Variants in GRID2 observed in about 807,000 individuals in gnomAD.
The protein encoded by GRID2 is glutamate ionotropic receptor delta type subunit 2, also known as glutamate receptor ionotropic, delta-2.
GRID2 carries 33 observed loss-of-function variants against 114.8 expected under a neutral mutation model. The observed-to-expected ratio is 0.29, with a 90% CI of 0.22 to 0.38. The LOEUF (loss-of-function observed/expected upper bound fraction) is 0.38. GRID2 is among the 10% of genes least tolerant of loss of function. The pLI, the probability that GRID2 is intolerant of heterozygous loss-of-function variation, is 1.00. For missense variants in GRID2, 1,184 were observed against 1,257.7 expected (o/e 0.94, Z 0.89); for synonymous variants, 505 against 449.9 (o/e 1.12, Z -1.55).
chr4:93,650,938 C>G (rs189779458), intron 14 of GRID2, among the ~76,000 whole-genome samples: 1 of 152,144 alleles, frequency 6.6e-6, no homozygotes, highest in Non-Finnish European at 1.5e-5. Flanking sequence ...AAAACAAAGG[C>G]TTCTAGACTC....
chr4:92,649,400 A>G (rs1387563227), intron 2 of GRID2, among the ~76,000 whole-genome samples: 1 of 151,172 alleles, frequency 6.6e-6, no homozygotes, highest in Non-Finnish European at 1.5e-5. Context: ...GAGAAATGAT[A>G]GAATTTGCCC....
At chr4:92,389,797 G>A (rs1289445574) in intron 1 of GRID2, among the ~76,000 whole-genome samples, 2 of 152,084 alleles carry the variant, frequency 1.3e-5, no homozygotes, top group African/African-American at 4.8e-5. Flanking sequence ...TGTATTAACT[G>A]TAAGGAGATA....
chr4:93,729,175 T>C (rs982213225), intron 14 of GRID2, among the ~76,000 whole-genome samples: 2 of 152,168 alleles, frequency 1.3e-5, no homozygotes, highest in Non-Finnish European at 2.9e-5. Flanking sequence ...GGATTATTCA[T>C]GTGAGCCACC....
At chr4:92,810,692 A>C (rs1740626501) in intron 2 of GRID2, among the ~76,000 whole-genome samples, 1 of 152,114 alleles carries the variant, frequency 6.6e-6, no homozygotes, top group Admixed American at 6.6e-5. Flanking sequence ...TTGAGGATGA[A>C]AGCTTATATA....
intron 8 of GRID2, among the ~76,000 whole-genome samples, chr4:93,375,835 C>G (rs1459248741): frequency 6.6e-6 from 1 of 152,100 alleles, no homozygotes; most frequent in Non-Finnish European, 1.5e-5. Context: ...GAACATTTGG[C>G]CATCACTAAT....
chr4:92,595,859 AT>A (rs1728925887), intron 2 of GRID2, among the ~76,000 whole-genome samples: 1 of 152,130 alleles, frequency 6.6e-6, no homozygotes, highest in African/African-American at 2.4e-5. Flanking sequence ...CTGGTCATTG[AT>A]TAAATCTAAA....
chr4:93,119,665 T>C (rs1306715619), intron 4 of GRID2, among the ~76,000 whole-genome samples: 23 of 152,192 alleles, frequency 1.5e-4, no homozygotes, highest in Admixed American at 1.5e-3. Flanking sequence ...TTTCATTGTA[T>C]TGTACTATAC....
chr4:92,458,697 A>T (rs895378380), intron 1 of GRID2, among the ~76,000 whole-genome samples: 2 of 152,188 alleles, frequency 1.3e-5, no homozygotes, highest in African/African-American at 4.8e-5. Flanking sequence ...GCAGATAAAG[A>T]TAATTGTCAT....
intron 1 of GRID2, among the ~76,000 whole-genome samples, chr4:92,542,002 T>C: frequency 6.6e-6 from 1 of 152,160 alleles, no homozygotes. Flanking sequence ...CTTTTTTATT[T>C]TAACTCTTAA....
rs563747727 is a variant in GRID2, at chr4:93,299,132, T to A, written c.1245+60642T>A. On this transcript the variant is annotated intron_variant, in intron 8 of 15. Coordinates refer to ENST00000282020, the MANE Select transcript of GRID2 (RefSeq NM_001510.4). ...CTACAGGGAACTCTGGAAGGCAGCA[T>A]AGAATTCATTTAGGTTCTGTACCTG... is the stretch of plus-strand genomic sequence containing the variant. Among the ~76,000 whole-genome samples the A allele has an allele frequency of 2.4e-3, 369 of 152,312 alleles. 2 individuals are homozygous for A. The highest frequency in any genetic ancestry group is 4.5e-3 in the Non-Finnish European group (304 of 68,026).
intron 1 of GRID2, among the ~76,000 whole-genome samples, chr4:92,444,512 T>C (rs1166985565): frequency 1.3e-5 from 2 of 152,114 alleles, no homozygotes; most frequent in African/African-American, 4.8e-5. Context: ...TTTACACTTC[T>C]TTTGTGGTGG....
chr4:92,436,032 C>T (rs961308766), intron 1 of GRID2, among the ~76,000 whole-genome samples: 1 of 152,062 alleles, frequency 6.6e-6, no homozygotes, highest in African/African-American at 2.4e-5. Flanking sequence ...TGAGACTTCA[C>T]AAGGAAGTTT....
chr4:93,228,559 G>A (rs1561013735), intron 7 of GRID2, among the ~76,000 whole-genome samples: 1 of 152,118 alleles, frequency 6.6e-6, no homozygotes, highest in Non-Finnish European at 1.5e-5. Context: ...ATCAACAAAA[G>A]TACTTGAGAA....
chr4:93,497,542 T>G (rs1333876599), intron 12 of GRID2, among the ~76,000 whole-genome samples: 1 of 151,844 alleles, frequency 6.6e-6, no homozygotes, highest in Non-Finnish European at 1.5e-5. Flanking sequence ...TTGTATAAAG[T>G]GCAACGTTTA....
chr4:92,638,783 TAAA>T lies in GRID2; in HGVS notation c.244+48500_244+48502del, dbSNP rs201774320. On this transcript the variant is annotated intron_variant, in intron 2 of 15. Coordinates refer to ENST00000282020, the MANE Select transcript of GRID2 (RefSeq NM_001510.4). The stretch of plus-strand genomic sequence containing the variant: ...TTAATAACAAATTTATTTTTAATAT[TAAA>T]AATTTTAATATTTGTCTTTGAAAAT... Among the ~76,000 whole-genome samples, 1,313 of 151,050 alleles carry T rather than the reference TAAA, an allele frequency of 8.7e-3. 16 individuals carry two copies. Among genetic ancestry groups the T allele is most frequent in the East Asian group, 0.068 (349 of 5,118 alleles).
At chr4:93,211,759 C>T (rs191981360) in intron 5 of GRID2, among the ~76,000 whole-genome samples, 4 of 152,286 alleles carry the variant, frequency 2.6e-5, no homozygotes, top group East Asian at 1.9e-4. Context: ...ATACCATTTA[C>T]ATTACACAGG....
intron 13 of GRID2, among the ~76,000 whole-genome samples, chr4:93,616,472 T>C (rs1280938126): frequency 6.7e-6 from 1 of 149,862 alleles, no homozygotes; most frequent in Non-Finnish European, 1.5e-5. Context: ...GTTTGAACCC[T>C]GGAGGTGGAG....
chr4:93,043,034 A>G (rs1725752151), intron 2 of GRID2, among the ~76,000 whole-genome samples: 2 of 152,242 alleles, frequency 1.3e-5, no homozygotes, highest in East Asian at 1.9e-4. Flanking sequence ...TGATTATAGA[A>G]GATAAATATT....
At chr4:92,477,098 T>C (rs1722357799) in intron 1 of GRID2, among the ~76,000 whole-genome samples, 1 of 132,416 alleles carries the variant, frequency 7.6e-6, no homozygotes. Context: ...TGTGTGTGTG[T>C]TTGCTTAGTA....
Sources: allele counts gnomAD v4.1 joint callset (sites outside exome capture counted in the v4.1 genomes callset), GRCh38; gene constraint gnomAD v4.1.1; transcripts MANE v1.5; gene names NCBI Gene and HGNC (gene_info 2026-07-23, HGNC 2026-07-21).